RFC1: variants seen among roughly 807,000 people sequenced by gnomAD.
RFC1 encodes the protein A1 140 kDa subunit.
A neutral mutation model predicts 137.4 loss-of-function variants in RFC1; 37 were observed. The observed-to-expected ratio is 0.27, with a 90% CI of 0.21 to 0.35. RFC1 has a LOEUF of 0.35. Ranked by LOEUF, RFC1 falls within the 10% of genes least tolerant of loss-of-function variation. The pLI is 1.00. For synonymous variants in RFC1, 429 were observed against 455.7 expected (o/e 0.94, Z 0.75); for missense variants, 1,205 against 1,358.5 (o/e 0.89, Z 1.78).
chr4:39,355,946 G>T (rs544431642), intron 1 of RFC1: 1 of 148,496 alleles, frequency 6.7e-6, no homozygotes, highest in Non-Finnish European at 1.5e-5. Flanking sequence ...AGGCTGCAGT[G>T]AGCCGAGATC....
chr4:39,337,776 TCTGCTA>T (rs1239751508), intron 4 of RFC1, among the ~76,000 whole-genome samples: 1 of 152,154 alleles, frequency 6.6e-6, no homozygotes, highest in Non-Finnish European at 1.5e-5. Flanking sequence ...AAGAATATTT[TCTGCTA>T]CTATTTTCCA....
rs1205012492 is a variant in RFC1 at position 39,323,329 on chromosome 4, C to T, written c.720+11G>A. The T allele has an allele frequency of 1.2e-6, 2 of 1,613,630 alleles. No homozygotes were observed. The highest frequency in any genetic ancestry group is 8.5e-7 in the Non-Finnish European group (1 of 1,179,610). On this transcript the variant is annotated intron_variant, in intron 7 of 24. Transcript: ENST00000349703. Reference sequence around the variant, plus strand: ...TATATTCAGAACGCAAATAGCCCAACATTATGCCACCTTTTTGGTCTTGGG... The same window carrying T: ...TATATTCAGAACGCAAATAGCCCAATATTATGCCACCTTTTTGGTCTTGGG...
At chr4:39,353,397 C>CAAAAAAAAAAAAAAAAA (rs11416030) in intron 1 of RFC1, among the ~76,000 whole-genome samples, 34 of 63,490 alleles carry the variant, frequency 5.4e-4, no homozygotes, top group East Asian at 1.0e-3. Flanking sequence ...GAGACTGTCT[C>CAAAAAAAAAAAAAAAAA]AAAAAAAAAA....
intron 4 of RFC1, among the ~76,000 whole-genome samples, chr4:39,340,115 T>C (rs1212712961): frequency 1.3e-5 from 2 of 152,330 alleles, no homozygotes; most frequent in East Asian, 3.9e-4. Flanking sequence ...ATTTTACATA[T>C]AAGTAAACTA....
rs1287743828 is a variant in RFC1 at position 39,327,593 on chromosome 4, T to G, written c.495A>C (p.Val165=). Residue 165 remains valine (V), a synonymous_variant, in exon 5 of 25, where the codon GTA becomes GTC. Coordinates refer to ENST00000349703, the MANE Select transcript of RFC1 (RefSeq NM_002913.5). ...CACTTCCAGTTCCAAAATAATCAAG[T>G]ACTGATGTGGGTGTAAGTTTTATTG... ...LSPIKLTPTS[V]LDYFGTGSVQ... 1.9e-6 allele frequency: 3 copies of G among 1,613,696 alleles called. No individual in the cohort carries two copies. The highest frequency in any genetic ancestry group is 2.5e-6 in the Non-Finnish European group (3 of 1,179,888).
chr4:39,321,169 G>T, intron 8 of RFC1, 118 bp downstream of exon 8: 1 of 790,630 alleles, frequency 1.3e-6, no homozygotes, highest in Non-Finnish European at 2.0e-6. Flanking sequence ...TAATAGTCCT[G>T]TGAAATAATG....
intron 19 of RFC1, 80 bp downstream of exon 19, chr4:39,302,198 A>C: frequency 2.4e-6 from 2 of 837,944 alleles, no homozygotes; most frequent in Admixed American, 3.8e-5. Context: ...GAACTATAAT[A>C]ACTACTTCTA....
chr4:39,354,749 CAAAAAAAAAAAAAAA>C (rs34342477), intron 1 of RFC1, among the ~76,000 whole-genome samples: 2 of 51,008 alleles, frequency 3.9e-5, no homozygotes, highest in Non-Finnish European at 7.2e-5. Context: ...GAAACTATCT[CAAAAAAAAAAAAAAA>C]AAAAAAAAAG....
intron 7 of RFC1, among the ~76,000 whole-genome samples, chr4:39,322,116 A>T (rs534971305): frequency 1.1e-3 from 165 of 152,240 alleles, no homozygotes; most frequent in Middle Eastern, 6.8e-3. Flanking sequence ...AAATAAAAAT[A>T]AAAAAATTAA....
chr4:39,310,295 G>GC (rs762316055), intron 12 of RFC1, among the ~76,000 whole-genome samples: 14 of 152,344 alleles, frequency 9.2e-5, no homozygotes, highest in Non-Finnish European at 1.5e-4. Flanking sequence ...ACAACTAAAT[G>GC]CAGTGTGGGA....
At chr4:39,353,965 T>C (rs1399548440) in intron 1 of RFC1, among the ~76,000 whole-genome samples, 1 of 152,186 alleles carries the variant, frequency 6.6e-6, no homozygotes, top group East Asian at 1.9e-4. Flanking sequence ...AGAGCCACTG[T>C]TAACACTGAT....
Position 39,295,564 on chromosome 4 carries a change from C to T in RFC1, c.2954+50G>A, listed in dbSNP as rs947328316. On this transcript the variant is annotated intron_variant, in intron 22 of 24. Coordinates refer to ENST00000349703, the MANE Select transcript of RFC1 (RefSeq NM_002913.5). ...TCACATGATCATTACTGGATAAAGG[C>T]CAAATACACCAAATCGATAAAATAC... 3 of 1,507,044 alleles carry T rather than the reference C, an allele frequency of 2.0e-6. No individual in the cohort carries two copies. In the African/African-American group the frequency reaches 4.2e-5, roughly 21 times the overall value. 93.4% of individuals were successfully genotyped at this position (1,507,044 alleles called of 1,614,324 possible). A position where few individuals can be genotyped will look rare whatever the true frequency, so the allele number is the denominator to read the frequency against.
chr4:39,349,355 A>G lies in RFC1; in HGVS notation c.132+1993T>C, dbSNP rs1741066917. 3.9e-5 allele frequency among the ~76,000 whole-genome samples: 6 copies of G among 152,202 alleles called. 1 individual carries two copies. The South Asian group carries it at 1.2e-3, about 31-fold the overall frequency. On this transcript the variant is annotated intron_variant, in intron 2 of 24. Transcript: ENST00000349703. ...GTTGGAACCTCTAAACAAGTAATTA[A>G]GGATAAATAAGGTCGTAAGGGTGGG... is the stretch of plus-strand genomic sequence containing the variant.
chr4:39,353,627 T>G (rs1443069674), intron 1 of RFC1, among the ~76,000 whole-genome samples: 1 of 152,082 alleles, frequency 6.6e-6, no homozygotes, highest in Non-Finnish European at 1.5e-5. Flanking sequence ...TTACAGAGAA[T>G]CAAGTCTGAG....
chr4:39,354,974 CA>C (rs1334898915), intron 1 of RFC1, among the ~76,000 whole-genome samples: 1 of 150,982 alleles, frequency 6.6e-6, no homozygotes, highest in Non-Finnish European at 1.5e-5. Flanking sequence ...CCTAGCTACT[CA>C]GGGGGCTGAG....
In RFC1 at chr4:39,364,931, TTCTTCA is replaced by T. The variant is rs1741946129; in HGVS notation, c.3+1302_3+1307del. Among the ~76,000 whole-genome samples, 4 of 151,944 alleles carry T rather than the reference TTCTTCA, an allele frequency of 2.6e-5. No individual in the cohort carries two copies. The South Asian group carries it at 6.2e-4, about 24-fold the overall frequency. Reference sequence around the variant, plus strand: ...ACCATTAAACTAAAATATTACCACGTTCTTCATCTTCAAGACTCCAAGTCTCAAGCT... The same window carrying T: ...ACCATTAAACTAAAATATTACCACGTTCTTCAAGACTCCAAGTCTCAAGCT... On this transcript the variant is annotated intron_variant, in intron 1 of 24. Transcript: ENST00000349703.
intron 3 of RFC1, 86 bp from the exon 4 acceptor site, chr4:39,342,553 T>C: frequency 7.6e-7 from 1 of 1,322,564 alleles, no homozygotes; most frequent in Admixed American, 2.0e-5. Flanking sequence ...GTGAACCAAT[T>C]CCTCAAGGTC....
At chr4:39,338,684 A>T (rs1440581951) in intron 4 of RFC1, among the ~76,000 whole-genome samples, 1 of 152,186 alleles carries the variant, frequency 6.6e-6, no homozygotes, top group Non-Finnish European at 1.5e-5. Context: ...ATGTCAGGGG[A>T]TACACAGATA....
chr4:39,345,767 T>A (rs556935827), intron 2 of RFC1, among the ~76,000 whole-genome samples: 1 of 152,052 alleles, frequency 6.6e-6, no homozygotes, highest in Non-Finnish European at 1.5e-5. Context: ...CAGGGGGAAT[T>A]TTGCATCCCC....
Sources: gnomAD v4.1 joint callset for allele counts (sites outside exome capture counted in the v4.1 genomes callset) on GRCh38, gnomAD v4.1.1 for gene constraint, MANE v1.5 for transcripts, NCBI Gene and HGNC (gene_info 2026-07-23, HGNC 2026-07-21) for gene names.